CENPP: variants seen among roughly 807,000 people sequenced by gnomAD.
CENPP encodes the protein centromere protein P.
In CENPP, 24 loss-of-function variants were observed where a neutral mutation model predicts 35.6. The observed-to-expected ratio is 0.67, with a 90% CI of 0.49 to 0.95. CENPP has a LOEUF of 0.95. Among genes scored for constraint, CENPP ranks in the 40% least tolerant of loss-of-function variants. CENPP has a pLI of 0.00. For missense variants in CENPP, 332 were observed against 345.3 expected, an observed-to-expected ratio of 0.96 and a Z score of 0.31; for synonymous variants, 120 against 125.5, an observed-to-expected ratio of 0.96 and a Z score of 0.29.
chr9:92,424,968 G>A (rs758736696), intron 5 of CENPP, among the ~76,000 whole-genome samples: 4 of 152,150 alleles, frequency 2.6e-5, no homozygotes, highest in African/African-American at 9.7e-5. Context: ...GAGCCACCAC[G>A]CCTGGCCTGG....
At chr9:92,552,811 T>C (rs979261047) in intron 5 of CENPP, among the ~76,000 whole-genome samples, 10 of 152,330 alleles carry the variant, frequency 6.6e-5, no homozygotes, top group Non-Finnish European at 1.3e-4. Flanking sequence ...CTCTGCTGAC[T>C]GTTCCTTTTG....
chr9:92,608,790 AT>A (rs1204870489), intron 5 of CENPP, among the ~76,000 whole-genome samples: 2 of 152,248 alleles, frequency 1.3e-5, no homozygotes, highest in Non-Finnish European at 2.9e-5. Flanking sequence ...CTTTGACTTT[AT>A]TTTACAAACT....
intron 5 of CENPP, among the ~76,000 whole-genome samples, chr9:92,584,069 A>G (rs1210236997): frequency 6.6e-6 from 1 of 152,132 alleles, no homozygotes; most frequent in Non-Finnish European, 1.5e-5. Context: ...GATTAGTTCC[A>G]CTTCCTCAGA....
intron 5 of CENPP, among the ~76,000 whole-genome samples, chr9:92,606,753 A>T (rs564880262): frequency 6.6e-6 from 1 of 152,224 alleles, no homozygotes; most frequent in East Asian, 1.9e-4. Context: ...AAAATACAAA[A>T]ATTAGCCAGG....
chr9:92,382,892 C>CATTTTTTTTTTTTTTT (rs1459666948), intron 5 of CENPP, among the ~76,000 whole-genome samples: 1 of 69,812 alleles, frequency 1.4e-5, no homozygotes. Context: ...CACTGTTTTC[C>CATTTTTTTTTTTTTTT]TTTTTTTTTT....
intron 5 of CENPP, among the ~76,000 whole-genome samples, chr9:92,559,027 C>T (rs992124906): frequency 1.3e-5 from 2 of 152,102 alleles, no homozygotes; most frequent in African/African-American, 4.8e-5. Context: ...GCAAGAGGGG[C>T]TTGAAAACTT....
intron 5 of CENPP, among the ~76,000 whole-genome samples, chr9:92,591,465 A>G (rs1045937511): frequency 3.3e-5 from 5 of 151,672 alleles, no homozygotes; most frequent in African/African-American, 7.3e-5. Flanking sequence ...AAAAAAATCC[A>G]AACCATACTT....
At chr9:92,446,287 T>C (rs1844550380) in intron 5 of CENPP, among the ~76,000 whole-genome samples, 1 of 152,214 alleles carries the variant, frequency 6.6e-6, no homozygotes, top group Admixed American at 6.5e-5. Flanking sequence ...TTTTTTATTA[T>C]TTCTCCAAGA....
intron 5 of CENPP, among the ~76,000 whole-genome samples, chr9:92,566,982 A>G (rs1159875897): frequency 6.6e-6 from 1 of 152,226 alleles, no homozygotes; most frequent in Non-Finnish European, 1.5e-5. Flanking sequence ...AAACTTTGGA[A>G]GGCAGAAGGC....
intron 5 of CENPP, among the ~76,000 whole-genome samples, chr9:92,530,620 TTA>T (rs1848689220): frequency 6.6e-6 from 1 of 152,216 alleles, no homozygotes; most frequent in Admixed American, 6.5e-5. Flanking sequence ...GCATTTATCA[TTA>T]GGTGGATACT....
At chr9:92,604,379 A>C (rs556242410) in intron 5 of CENPP, among the ~76,000 whole-genome samples, 29 of 152,290 alleles carry the variant, frequency 1.9e-4, no homozygotes, top group African/African-American at 6.0e-4. Flanking sequence ...CATTGTTTAA[A>C]ATTGGGTTAT....
intron 5 of CENPP, among the ~76,000 whole-genome samples, chr9:92,525,797 G>A (rs1848359489): frequency 6.8e-6 from 1 of 147,014 alleles, no homozygotes; most frequent in Non-Finnish European, 1.5e-5. Flanking sequence ...GGCTGAGACA[G>A]AAGAATCGCT....
At chr9:92,585,277 A>C (rs1274573934) in intron 5 of CENPP, among the ~76,000 whole-genome samples, 3 of 152,216 alleles carry the variant, frequency 2.0e-5, no homozygotes, top group Non-Finnish European at 2.9e-5. Flanking sequence ...CTCTTAAAAA[A>C]TCAGTTTATA....
intron 5 of CENPP, among the ~76,000 whole-genome samples, chr9:92,387,719 G>T (rs956558096): frequency 2.0e-5 from 3 of 152,084 alleles, no homozygotes; most frequent in Non-Finnish European, 4.4e-5. Context: ...GACTGTAGCA[G>T]CTTAGGACAT....
chr9:92,402,434 A>G (rs1843154885), intron 5 of CENPP, among the ~76,000 whole-genome samples: 2 of 152,194 alleles, frequency 1.3e-5, no homozygotes, highest in Non-Finnish European at 2.9e-5. Context: ...GTATTGTTAT[A>G]TATTTGGCTG....
At chr9:92,575,676 A>G (rs1462206828) in intron 5 of CENPP, among the ~76,000 whole-genome samples, 1 of 152,092 alleles carries the variant, frequency 6.6e-6, no homozygotes, top group Non-Finnish European at 1.5e-5. Flanking sequence ...GCTGGGCATG[A>G]TGGCGTACAC....
rs202150788 is a variant in CENPP, at chr9:92,442,433, A to C, written c.564+62574A>C. Reference sequence around the variant, plus strand: ...AAAAAAAAAGAAAAAACAAAAAAAAACCACTCCATTATGATCAAGTGGGAT... The same window carrying C: ...AAAAAAAAAGAAAAAACAAAAAAAACCCACTCCATTATGATCAAGTGGGAT... On this transcript the variant is annotated intron_variant, in intron 5 of 7. Transcript: ENST00000375587. Among the ~76,000 whole-genome samples, 468 of 148,676 alleles carry C rather than the reference A, an allele frequency of 3.1e-3. 6 individuals are homozygous for C. Among genetic ancestry groups the C allele is most frequent in the East Asian group, 0.027 (133 of 4,878 alleles).
intron 5 of CENPP, among the ~76,000 whole-genome samples, chr9:92,551,940 T>TA (rs1554686266): frequency 6.2e-5 from 7 of 113,386 alleles, no homozygotes; most frequent in African/African-American, 2.0e-4. Context: ...TATATATATA[T>TA]ATATATATAT....
At chr9:92,401,355 AT>A (rs1156459564) in intron 5 of CENPP, among the ~76,000 whole-genome samples, 1 of 152,156 alleles carries the variant, frequency 6.6e-6, no homozygotes, top group Non-Finnish European at 1.5e-5. Context: ...TACAATAAGT[AT>A]TTTTTAGCTT....
Sources: allele counts gnomAD v4.1 joint callset (sites outside exome capture counted in the v4.1 genomes callset), GRCh38; gene constraint gnomAD v4.1.1; transcripts MANE v1.5; gene names NCBI Gene and HGNC (gene_info 2026-07-23, HGNC 2026-07-21).